Variants in KAT2B observed in about 807,000 individuals in gnomAD.
The protein encoded by KAT2B is histone acetyltransferase KAT2B.
Under a neutral mutation model 105.9 loss-of-function variants are expected in KAT2B, and 36 were observed. The observed-to-expected ratio is 0.34, with a 90% confidence interval of 0.26 to 0.45. KAT2B has a LOEUF of 0.45. Among genes scored for constraint, KAT2B ranks in the 20% least tolerant of loss-of-function variants. The pLI is 1.00. For synonymous variants in KAT2B, 397 were observed against 377.9 expected (o/e 1.05, Z -0.59); for missense variants, 820 against 1,021.6 (o/e 0.80, Z 2.69).
At chr3:20,119,816 A>T in intron 8 of KAT2B, 93 bp downstream of exon 8, 2 of 1,365,550 alleles carry the variant, frequency 1.5e-6, no homozygotes, top group Non-Finnish European at 2.0e-6. Context: ...AACCAAGTAC[A>T]GATTGTGCAT....
At position 20,116,856 on chromosome 3, in the gene KAT2B, T is replaced by C. The variant is rs1488588338; in HGVS notation, c.1150+1868T>C. Among the ~76,000 whole-genome samples the C allele has an allele frequency of 2.0e-5, 3 of 152,282 alleles. No individual in the cohort carries two copies. In the East Asian group the frequency reaches 5.8e-4, roughly 29 times the overall value. ...AATTGCCCAAGATAGACCTTGTAAG[T>C]GATGGAATTGGGTTTCACATCCGTA... is the stretch of plus-strand genomic sequence containing the variant. On this transcript the variant is annotated intron_variant, in intron 7 of 17. Transcript: ENST00000263754.
chr3:20,078,376 T>G lies in KAT2B; in HGVS notation c.430+5917T>G, dbSNP rs562628197. 6.6e-5 allele frequency among the ~76,000 whole-genome samples: 10 copies of G among 152,236 alleles called. No individual in the cohort carries two copies. In the South Asian group the frequency reaches 1.9e-3, roughly 29 times the overall value. On this transcript the variant is annotated intron_variant, in intron 2 of 17. Transcript: ENST00000263754. The stretch of plus-strand genomic sequence containing the variant: ...TATTTTAGTTTAGAGGTTTTTTGAT[T>G]ATTTTTCAGTGTTGTCACCTTTTTC...
intron 2 of KAT2B, among the ~76,000 whole-genome samples, chr3:20,075,740 A>G (rs373175501): frequency 4.5e-4 from 68 of 152,090 alleles, no homozygotes; most frequent in African/African-American, 1.6e-3. Context: ...CTCCAGGTGC[A>G]CGACCCCCCA....
intron 4 of KAT2B, 167 bp from the exon 5 acceptor site, chr3:20,101,120 T>A: frequency 1.7e-6 from 1 of 589,374 alleles, no homozygotes; most frequent in Non-Finnish European, 3.0e-6. Flanking sequence ...TGAGGCAAGA[T>A]TCCCTCTGGG....
At chr3:20,110,381 A>G (rs1380326399) in intron 5 of KAT2B, among the ~76,000 whole-genome samples, 1 of 152,048 alleles carries the variant, frequency 6.6e-6, no homozygotes, top group East Asian at 1.9e-4. Context: ...TAAAAAAAAA[A>G]TAGGGTTGTC....
intron 5 of KAT2B, among the ~76,000 whole-genome samples, chr3:20,101,756 G>T (rs536340002): frequency 6.6e-6 from 1 of 152,188 alleles, no homozygotes; most frequent in East Asian, 1.9e-4. Context: ...GTACCAAAAA[G>T]GAGTTTAAAA....
At chr3:20,051,641 C>A (rs1245841423) in intron 1 of KAT2B, among the ~76,000 whole-genome samples, 1 of 152,168 alleles carries the variant, frequency 6.6e-6, no homozygotes, top group Non-Finnish European at 1.5e-5. Flanking sequence ...TTCTCTAGAA[C>A]TACTTGCTGA....
At chr3:20,062,731 G>A (rs914845921) in intron 1 of KAT2B, among the ~76,000 whole-genome samples, 4 of 151,438 alleles carry the variant, frequency 2.6e-5, no homozygotes, top group Non-Finnish European at 5.9e-5. Flanking sequence ...CAAAGTATTG[G>A]GATTACAGGC....
At chr3:20,106,081 C>T (rs1292426732) in intron 5 of KAT2B, among the ~76,000 whole-genome samples, 2 of 152,124 alleles carry the variant, frequency 1.3e-5, no homozygotes, top group African/African-American at 2.4e-5. Flanking sequence ...TCAGTTTATT[C>T]CTGAAAACCA....
chr3:20,127,271 G>T, intron 10 of KAT2B, 152 bp from the exon 11 acceptor site: 1 of 664,808 alleles, frequency 1.5e-6, no homozygotes, highest in East Asian at 2.7e-5. Context: ...CAGATAAAAG[G>T]ATGGTCTAGC....
At position 20,120,983 on chromosome 3, in the gene KAT2B, A is replaced by T. The variant is rs80265746; in HGVS notation, c.1276+1260A>T. On this transcript the variant is annotated intron_variant, in intron 8 of 17. Coordinates refer to ENST00000263754, the MANE Select transcript of KAT2B (RefSeq NM_003884.5). ...GCTTGGATTCAGCCTCAGACTTTTTAAAAAAAATCATAAACACCATTAGCA... is the reference window on the plus strand; with the variant it reads ...GCTTGGATTCAGCCTCAGACTTTTTTAAAAAAATCATAAACACCATTAGCA... 3.0e-3 allele frequency among the ~76,000 whole-genome samples: 451 copies of T among 152,024 alleles called. 4 individuals carry two copies. In the East Asian group the frequency reaches 0.044, roughly 15 times the overall value.
rs75085873 is a variant in KAT2B, at chr3:20,065,992, C to T, written c.304-6341C>T. Among the ~76,000 whole-genome samples, 102 of 152,214 alleles carry T rather than the reference C, an allele frequency of 6.7e-4. 1 individual carries two copies. The East Asian group carries it at 0.019, about 28-fold the overall frequency. ...TAACAAATAACCACAAAATATGTGG[C>T]TTAAAACAACAAATACAGTTTTTTT... On this transcript the variant is annotated intron_variant, in intron 1 of 17. Coordinates refer to ENST00000263754, the MANE Select transcript of KAT2B (RefSeq NM_003884.5).
intron 1 of KAT2B, among the ~76,000 whole-genome samples, chr3:20,068,933 C>G (rs1698271239): frequency 6.6e-6 from 1 of 152,078 alleles, no homozygotes; most frequent in Admixed American, 6.6e-5. Flanking sequence ...TTAGGGAGTT[C>G]CTGGAAGTAG....
chr3:20,131,282 T>C (rs2125183837), intron 11 of KAT2B, among the ~76,000 whole-genome samples: 1 of 152,150 alleles, frequency 6.6e-6, no homozygotes, highest in Middle Eastern at 3.4e-3. Flanking sequence ...CCCAAAGTGC[T>C]GGGATTACAG....
intron 5 of KAT2B, among the ~76,000 whole-genome samples, chr3:20,104,460 C>T (rs1298398600): frequency 1.3e-5 from 2 of 152,136 alleles, no homozygotes; most frequent in East Asian, 3.8e-4. Context: ...AGTAAAACCT[C>T]ACTGCCATGA....
chr3:20,088,441 G>C (rs1698658607), intron 2 of KAT2B, among the ~76,000 whole-genome samples: 7 of 152,034 alleles, frequency 4.6e-5, no homozygotes, highest in Admixed American at 4.6e-4. Flanking sequence ...TTTGATAATA[G>C]CTATCCTGAG....
intron 1 of KAT2B, among the ~76,000 whole-genome samples, chr3:20,052,033 T>C (rs746224461): frequency 4.6e-5 from 7 of 152,240 alleles, no homozygotes; most frequent in African/African-American, 9.6e-5. Flanking sequence ...AAGTCTTTTA[T>C]AATTTTGAAT....
chr3:20,083,392 A>G (rs2125188700), intron 2 of KAT2B, among the ~76,000 whole-genome samples: 1 of 152,338 alleles, frequency 6.6e-6, no homozygotes, highest in East Asian at 1.9e-4. Flanking sequence ...GTTTCTTTTA[A>G]TAATGAATGA....
At chr3:20,091,042 G>T (rs947948808) in intron 2 of KAT2B, among the ~76,000 whole-genome samples, 2 of 152,152 alleles carry the variant, frequency 1.3e-5, no homozygotes, top group East Asian at 1.9e-4. Flanking sequence ...ATGAGCCACT[G>T]CACTTGGGCT....
Sources: allele counts gnomAD v4.1 joint callset (sites outside exome capture counted in the v4.1 genomes callset), GRCh38; gene constraint gnomAD v4.1.1; transcripts MANE v1.5; gene names NCBI Gene and HGNC (gene_info 2026-07-23, HGNC 2026-07-21).